Variants in C12orf43 observed in about 807,000 individuals in gnomAD.
C12orf43 encodes the protein chromosome 12 open reading frame 43.
C12orf43 carries 15 observed loss-of-function variants against 20.6 expected under a neutral mutation model. That is an observed-to-expected ratio of 0.73 (90% confidence interval 0.49 to 1.12). C12orf43 has a LOEUF of 1.12. Among genes scored for constraint, C12orf43 ranks in the 50% most tolerant of loss-of-function variants. The pLI is 0.00. For synonymous variants in C12orf43, 144 were observed against 130.8 expected, an observed-to-expected ratio of 1.10 and a Z score of -0.69; for missense variants, 334 against 344.4, an observed-to-expected ratio of 0.97 and a Z score of 0.24.
At chr12:121,014,174 A>T (rs183316871) in intron 1 of C12orf43, among the ~76,000 whole-genome samples, 23 of 149,586 alleles carry the variant, frequency 1.5e-4, no homozygotes, top group African/African-American at 2.2e-4. Context: ...ATAAAAATAT[A>T]AAAAAAAATT....
At chr12:121,011,025 C>T (rs756740298) in intron 2 of C12orf43, 79 bp downstream of exon 2, 10 of 1,592,048 alleles carry the variant, frequency 6.3e-6, no homozygotes, top group East Asian at 2.2e-5. Context: ...AAATGCCAGG[C>T]GTGAAGCCTA....
chr12:121,000,896 G>A lies in C12orf43; in HGVS notation c.*3257C>T. Reference sequence around the variant, plus strand: ...GGGCGGCCGTGGACCCTGGCTGGGAGGCTCCCTTTGAAGAACCGAGGGTAG... The same window carrying A: ...GGGCGGCCGTGGACCCTGGCTGGGAAGCTCCCTTTGAAGAACCGAGGGTAG... On this transcript the variant is annotated 3_prime_UTR_variant, in exon 6 of 6. Transcript: ENST00000288757. 1 of 810,100 alleles carries A rather than the reference G, an allele frequency of 1.2e-6. No homozygotes were observed. Among genetic ancestry groups the A allele is most frequent in the Non-Finnish European group, 1.9e-6 (1 of 526,784 alleles). 50.2% of individuals were successfully genotyped at this position (810,100 alleles called of 1,614,324 possible). A position where few individuals can be genotyped will look rare whatever the true frequency, so the allele number is the denominator to read the frequency against.
rs1049737961 is a variant in C12orf43, at chr12:121,011,089, C to G, written c.188+15G>C. ...TTGTTGAATAAGTGAAACTTGAACC[C>G]AAAGTGCATAGTACCTGAGGCTCGG... is the stretch of plus-strand genomic sequence containing the variant. On this transcript the variant is annotated intron_variant, in intron 2 of 5. Coordinates refer to ENST00000288757, the MANE Select transcript of C12orf43 (RefSeq NM_022895.3). The G allele has an allele frequency of 1.2e-6, 2 of 1,613,520 alleles. No homozygotes were observed. Among genetic ancestry groups the G allele is most frequent in the African/African-American group, 2.7e-5 (2 of 74,874 alleles).
Position 121,002,246 on chromosome 12 carries a change from C to T in C12orf43, c.*1907G>A. On this transcript the variant is annotated 3_prime_UTR_variant, in exon 6 of 6. Coordinates refer to ENST00000288757, the MANE Select transcript of C12orf43 (RefSeq NM_022895.3). ...AACACTCAGAAGCCTGGGGGCCTGG[C>T]TGGCTGAGGGCAGTTCGCAGCCACC... is the stretch of plus-strand genomic sequence containing the variant. 2.3e-6 allele frequency: 1 copy of T among 440,416 alleles called. No homozygotes were observed. 27.3% of individuals were successfully genotyped at this position (440,416 alleles called of 1,614,324 possible). A position where few individuals can be genotyped will look rare whatever the true frequency, so the allele number is the denominator to read the frequency against.
chr12:121,009,434 ACT>A (rs1231972805), intron 3 of C12orf43, among the ~76,000 whole-genome samples: 1 of 152,064 alleles, frequency 6.6e-6, no homozygotes, highest in African/African-American at 2.4e-5. Flanking sequence ...CCAGAGGGAG[ACT>A]CTGTCTCCAA....
rs1317920861 is a variant in C12orf43 at position 121,004,281 on chromosome 12, G to A, written c.661C>T (p.Gln221Ter). The part of the protein sequence containing the change: ...TPTSMATVQK[Q>*]KSGELNGDQV... ...TCCCCGTTGAGCTCACCTGACTTCT[G>A]CTTCTGGACTGTGGCCATGCTGGTG... Residue 221 changes from glutamine (Q) to a stop codon, truncating the protein, a stop_gained, in exon 6 of 6, where the codon CAG becomes TAG. Coordinates refer to ENST00000288757, the MANE Select transcript of C12orf43 (RefSeq NM_022895.3). LOFTEE classifies it low-confidence loss of function (END_TRUNC). This position sits in a 1 kb window ranked among gnomAD's most constrained non-coding sequence, Gnocchi z 5.6. 1.2e-6 allele frequency: 2 copies of A among 1,614,112 alleles called. No individual in the cohort carries two copies. The highest frequency in any genetic ancestry group is 1.1e-5 in the South Asian group (1 of 91,092).
At chr12:121,007,682 T>G (rs1001589804) in intron 3 of C12orf43, among the ~76,000 whole-genome samples, 7 of 152,246 alleles carry the variant, frequency 4.6e-5, no homozygotes, top group Non-Finnish European at 7.3e-5. Flanking sequence ...AGGAAGCATG[T>G]GTCTGGTGAG....
At chr12:121,006,691 A>C in intron 3 of C12orf43, 1 of 311,180 alleles carries the variant, frequency 3.2e-6, no homozygotes, top group Admixed American at 4.4e-5. Flanking sequence ...TAATCCTAGC[A>C]CTTTGGGAGG....
Position 121,001,386 on chromosome 12 carries a change from G to C in C12orf43, c.*2767C>G, listed in dbSNP as rs1325274931. On this transcript the variant is annotated 3_prime_UTR_variant, in exon 6 of 6. Coordinates refer to ENST00000288757, the MANE Select transcript of C12orf43 (RefSeq NM_022895.3). ...GCGCCCCAACCCGTGGAGGCTGCTC[G>C]GGGTGCACAGGAGGGGGTCGTGGAG... The C allele has an allele frequency of 4.5e-6, 3 of 663,100 alleles. No homozygotes were observed. Among genetic ancestry groups the C allele is most frequent in the Non-Finnish European group, 7.7e-6 (3 of 388,482 alleles). 41.1% of individuals were successfully genotyped at this position (663,100 alleles called of 1,614,324 possible).
Position 121,000,930 on chromosome 12 carries a change from C to A in C12orf43, c.*3223G>T. On this transcript the variant is annotated 3_prime_UTR_variant, in exon 6 of 6. Transcript: ENST00000288757. ...TGAAGAACCGAGGGTAGAGGTGTGA[C>A]TTTGGGGTTCCTGTTATCTGCTGTG... 7.9e-7 allele frequency: 1 copy of A among 1,270,360 alleles called. No individual in the cohort carries two copies. Among genetic ancestry groups the A allele is most frequent in the South Asian group, 1.2e-5 (1 of 80,920 alleles). 78.7% of individuals were successfully genotyped at this position (1,270,360 alleles called of 1,614,324 possible).
intron 3 of C12orf43, among the ~76,000 whole-genome samples, chr12:121,009,960 C>T (rs368559293): frequency 4.6e-5 from 7 of 152,160 alleles, no homozygotes; most frequent in Admixed American, 1.3e-4. Context: ...ATGAGCTTCT[C>T]GATGTTCCTC....
At chr12:121,015,334 G>A (rs774060639) in intron 1 of C12orf43, among the ~76,000 whole-genome samples, 1 of 152,082 alleles carries the variant, frequency 6.6e-6, no homozygotes, top group Non-Finnish European at 1.5e-5. Flanking sequence ...GGAAGGGAGA[G>A]GAAGGCAATG....
At position 121,000,802 on chromosome 12, in the gene C12orf43, A is replaced by C. The variant is rs1325464304; in HGVS notation, c.*3351T>G. 6 of 513,264 alleles carry C rather than the reference A, an allele frequency of 1.2e-5. No homozygotes were observed. Among genetic ancestry groups the C allele is most frequent in the Non-Finnish European group, 2.1e-5 (6 of 280,154 alleles). The allele number at this position is 513,264 out of a possible 1,614,324, so 31.8% of individuals were successfully genotyped here. A position where few individuals can be genotyped will look rare whatever the true frequency, so the allele number is the denominator to read the frequency against. On this transcript the variant is annotated 3_prime_UTR_variant, in exon 6 of 6. Transcript: ENST00000288757. ...CAGCCTAGCCAAGCCAACACGTACA[A>C]CTACCTACCTCGGCATCTCACCGGG...
At chr12:121,012,531 G>A (rs976703755) in intron 1 of C12orf43, 2 of 701,326 alleles carry the variant, frequency 2.9e-6, no homozygotes, top group Non-Finnish European at 2.6e-6. Flanking sequence ...GGTGAGAAGT[G>A]GGTGAACTCC....
At position 121,011,095 on chromosome 12, in the gene C12orf43, G is replaced by A; in HGVS notation, c.188+9C>T. On this transcript the variant is annotated intron_variant, in intron 2 of 5. Transcript: ENST00000288757. ...AATAAGTGAAACTTGAACCCAAAGTGCATAGTACCTGAGGCTCGGTTGGGA... is the reference window on the plus strand; with the variant it reads ...AATAAGTGAAACTTGAACCCAAAGTACATAGTACCTGAGGCTCGGTTGGGA... 6.2e-7 allele frequency: 1 copy of A among 1,613,748 alleles called. No individual in the cohort carries two copies. The highest frequency in any genetic ancestry group is 8.5e-7 in the Non-Finnish European group (1 of 1,179,702).
At chr12:121,016,263 C>T in intron 1 of C12orf43, 67 bp downstream of exon 1, 3 of 1,606,624 alleles carry the variant, frequency 1.9e-6, no homozygotes, top group Non-Finnish European at 2.5e-6. Flanking sequence ...CCTCACCATC[C>T]ATCCTCTCAG....
chr12:121,002,716 T>C lies in C12orf43; in HGVS notation c.*1437A>G, dbSNP rs1408105972. 3.1e-6 allele frequency: 1 copy of C among 323,326 alleles called. No individual in the cohort carries two copies. Among genetic ancestry groups the C allele is most frequent in the African/African-American group, 2.2e-5 (1 of 44,884 alleles). The allele number at this position is 323,326 out of a possible 1,614,324, so 20.0% of individuals were successfully genotyped here. A position where few individuals can be genotyped will look rare whatever the true frequency, so the allele number is the denominator to read the frequency against. On this transcript the variant is annotated 3_prime_UTR_variant, in exon 6 of 6. Transcript: ENST00000288757. ...AAGCTTCTACTTTTTAAAAAAATTTTGTTTTGGAGACAGGGTCTCACTGTC... is the reference window on the plus strand; with the variant it reads ...AAGCTTCTACTTTTTAAAAAAATTTCGTTTTGGAGACAGGGTCTCACTGTC...
chr12:121,010,085 C>T (rs554033928), intron 3 of C12orf43, among the ~76,000 whole-genome samples: 7 of 152,252 alleles, frequency 4.6e-5, no homozygotes, highest in Middle Eastern at 3.4e-3. Context: ...GTGGATCACT[C>T]GAGGTCAGGA....
rs752003622 is a variant in C12orf43 at position 121,001,075 on chromosome 12, C to T, written c.*3078G>A. 5.0e-6 allele frequency: 8 copies of T among 1,613,506 alleles called. No individual in the cohort carries two copies. In the South Asian group the frequency reaches 6.6e-5, roughly 13 times the overall value. On this transcript the variant is annotated 3_prime_UTR_variant, in exon 6 of 6. Coordinates refer to ENST00000288757, the MANE Select transcript of C12orf43 (RefSeq NM_022895.3). The stretch of plus-strand genomic sequence containing the variant: ...TGTTTGCCTCTGCAGTGTCCTCCAG[C>T]AGCCTGGTGCTGTACCAGAGCTCAG...
Sources: allele counts gnomAD v4.1 joint callset (sites outside exome capture counted in the v4.1 genomes callset), GRCh38; gene constraint gnomAD v4.1.1; non-coding constraint Gnocchi (gnomAD v3.1); transcripts MANE v1.5; gene names NCBI Gene and HGNC (gene_info 2026-07-23, HGNC 2026-07-21).